Variants in FBRS observed in about 807,000 individuals in gnomAD.
The protein encoded by FBRS is fibrosin.
A neutral mutation model predicts 86.1 loss-of-function variants in FBRS; 15 were observed. The ratio of observed to expected loss-of-function variants is 0.17; its 90% CI spans 0.12 to 0.27. The LOEUF is 0.27. Among genes scored for constraint, FBRS ranks in the 10% least tolerant of loss-of-function variants. The pLI is 1.00. For synonymous variants in FBRS, 666 were observed against 575.8 expected (o/e 1.16, Z -2.24); for missense variants, 1,367 against 1,301.6 (o/e 1.05, Z -0.77).
At position 30,660,283 on chromosome 16, in the gene FBRS, C is replaced by T. The variant is rs935287439; in HGVS notation, c.480C>T (p.Pro160=). 21 of 1,308,934 alleles carry T rather than the reference C, an allele frequency of 1.6e-5. No homozygotes were observed. Among genetic ancestry groups the T allele is most frequent in the African/African-American group, 4.6e-5 (3 of 64,868 alleles). The allele number at this position is 1,308,934 out of a possible 1,614,324, so 81.1% of individuals were successfully genotyped here. A position where few individuals can be genotyped will look rare whatever the true frequency, so the allele number is the denominator to read the frequency against. The change falls in exon 2 of 18, where the codon CCC becomes CCT. Residue 160 remains proline (P), a synonymous_variant. Coordinates refer to ENST00000356166, the MANE Select transcript of FBRS (RefSeq NM_001105079.3). ...CACAGAAGGATGCATCTCTTCAGCC[C>T]CCAGAGCGACTGGAACATCGGCTGA... The part of the protein sequence containing the change: ...EALQKDASLQ[P]PERLEHRLKH...
intron 16 of FBRS, 50 bp downstream of exon 16, chr16:30,668,693 C>T (rs745918260): frequency 8.2e-6 from 13 of 1,586,290 alleles, no homozygotes; most frequent in Non-Finnish European, 1.1e-5. Flanking sequence ...AGGGTGAGAG[C>T]TCAGACGGTC....
In FBRS at chr16:30,668,799, A is replaced by C. The variant is rs367793438; in HGVS notation, c.2186A>C (p.Glu729Ala). Residue 729 changes from glutamate (E) to alanine (A), a missense_variant, in exon 17 of 18, where the codon GAA becomes GCA. Glu to Ala is a moderately radical substitution (Grantham distance 107). Transcript: ENST00000356166. ...FNSGAVFAQKESPGAPPAFAS... is the reference protein window; with the variant it reads ...FNSGAVFAQKASPGAPPAFAS... The stretch of plus-strand genomic sequence containing the variant: ...TCCGGCGCCGTCTTTGCCCAGAAAG[A>C]AAGCCCAGGGGCCCCACCAGCCTTC... 3 of 1,600,078 alleles carry C rather than the reference A, an allele frequency of 1.9e-6. No homozygotes were observed. The highest frequency in any genetic ancestry group is 1.7e-5 in the Admixed American group (1 of 59,446).
intron 6 of FBRS, 154 bp downstream of exon 6, chr16:30,663,013 ATTTG>A: frequency 1.6e-6 from 2 of 1,259,626 alleles, no homozygotes; most frequent in Non-Finnish European, 2.0e-6. Context: ...TGCAGGACTT[ATTTG>A]AGTCCGTTAC....
At chr16:30,660,187 G>A (rs761472296) in intron 1 of FBRS, 76 bp from the exon 2 acceptor site, 23 of 1,412,076 alleles carry the variant, frequency 1.6e-5, no homozygotes, top group Non-Finnish European at 2.0e-5. Flanking sequence ...GGGGTACTTC[G>A]GCAACCTGGT....
chr16:30,670,511 T>A lies in FBRS; in HGVS notation c.*866T>A, dbSNP rs1290993389. The A allele has an allele frequency of 3.4e-6, 1 of 298,354 alleles. No individual in the cohort carries two copies. The highest frequency in any genetic ancestry group is 1.1e-4 in the East Asian group (1 of 8,782). 18.5% of individuals were successfully genotyped at this position (298,354 alleles called of 1,614,324 possible). Reference sequence around the variant, plus strand: ...TGCCCCCAGGACTCCTGGGCCCTGCTTCCCTGAACCCTGTTCTCCAAAACC... The same window carrying A: ...TGCCCCCAGGACTCCTGGGCCCTGCATCCCTGAACCCTGTTCTCCAAAACC... On this transcript the variant is annotated 3_prime_UTR_variant, in exon 18 of 18. Transcript: ENST00000356166.
At chr16:30,666,862 T>G (rs1421810724) in intron 12 of FBRS, 57 bp from the exon 13 acceptor site, 4 of 1,560,122 alleles carry the variant, frequency 2.6e-6, no homozygotes, top group Non-Finnish European at 3.5e-6. Context: ...CTGGAGTGGA[T>G]GATGAGTGAA....
chr16:30,667,633 A>C lies in FBRS; in HGVS notation c.2074+11A>C. The C allele has an allele frequency of 1.3e-6, 2 of 1,496,600 alleles. No homozygotes were observed. Among genetic ancestry groups the C allele is most frequent in the Non-Finnish European group, 1.8e-6 (2 of 1,123,706 alleles). 92.7% of individuals were successfully genotyped at this position (1,496,600 alleles called of 1,614,324 possible). ...CCAGCACCCACATTGGTAAGAGCCA[A>C]GGGCGTGTTGGGCAACCCAGGCTTT... On this transcript the variant is annotated intron_variant, in intron 15 of 17. Transcript: ENST00000356166.
At position 30,659,432 on chromosome 16, in the gene FBRS, C is replaced by A. The variant is rs2052426134; in HGVS notation, c.-87C>A. The A allele has an allele frequency of 4.6e-6, 1 of 216,208 alleles. No homozygotes were observed. The highest frequency in any genetic ancestry group is 9.1e-6 in the Non-Finnish European group (1 of 110,354). 13.4% of individuals were successfully genotyped at this position (216,208 alleles called of 1,614,324 possible). A position where few individuals can be genotyped will look rare whatever the true frequency, so the allele number is the denominator to read the frequency against. ...CGTGGCCCTCTCGTCACTGTGCAGC[C>A]GCCAGCGCCGCGCCTGCGACCCCGG... is the stretch of plus-strand genomic sequence containing the variant. On this transcript the variant is annotated 5_prime_UTR_variant, in exon 1 of 18. Coordinates refer to ENST00000356166, the MANE Select transcript of FBRS (RefSeq NM_001105079.3).
At position 30,669,285 on chromosome 16, in the gene FBRS, GCCC is replaced by G. The variant is rs2052567110; in HGVS notation, c.2585_2587del (p.Pro862del). 1.3e-6 allele frequency: 2 copies of G among 1,575,074 alleles called. No individual in the cohort carries two copies. The highest frequency in any genetic ancestry group is 2.7e-5 in the African/African-American group (2 of 73,796). On this transcript the variant is annotated inframe_deletion, in exon 18 of 18. Transcript: ENST00000356166. The surrounding 1 kb of genome is among the most constrained non-coding windows in gnomAD (Gnocchi z 5.9). ...AGGGCCTTCACCTGCTGTTTGAGAGGCCCCGGCCGCCCCCGTTTCTGGGCCCTA... is the reference window on the plus strand; with the variant it reads ...AGGGCCTTCACCTGCTGTTTGAGAGGCGGCCGCCCCCGTTTCTGGGCCCTA...
chr16:30,664,387 C>T lies in FBRS; in HGVS notation c.1228C>T (p.Pro410Ser). 6.7e-7 allele frequency: 1 copy of T among 1,495,952 alleles called. No homozygotes were observed. The highest frequency in any genetic ancestry group is 9.0e-7 in the Non-Finnish European group (1 of 1,112,890). The allele number at this position is 1,495,952 out of a possible 1,614,324, so 92.7% of individuals were successfully genotyped here. ...TTTGTCCACCCACAGCTTTCCCCCT[C>T]CCGGGCTGCGGCCCCCCCCACCACC... ...LPLSTHSFPP[P>S]GLRPPPPPHH... Residue 410 changes from proline to serine, a missense_variant, in exon 7 of 18, where the codon CCC becomes TCC. Pro to Ser is a moderately conservative substitution (Grantham distance 74). Transcript: ENST00000356166.
chr16:30,660,177 G>A, intron 1 of FBRS, 86 bp from the exon 2 acceptor site: 1 of 1,412,550 alleles, frequency 7.1e-7, no homozygotes, highest in Non-Finnish European at 9.3e-7. Flanking sequence ...CCCGGCCCGA[G>A]GGGTACTTCG....
In FBRS at chr16:30,658,852, A is replaced by G. The variant is rs2151263407; in HGVS notation, c.-667A>G. On this transcript the variant is annotated 5_prime_UTR_variant, in exon 1 of 18. Coordinates refer to ENST00000356166, the MANE Select transcript of FBRS (RefSeq NM_001105079.3). ...GGGAAGCCGCCGAGCAGACGCTGAC[A>G]AATTGAGAACTGTGCCGTTGGGAGA... 1 of 152,292 alleles carries G rather than the reference A, an allele frequency of 6.6e-6. No homozygotes were observed. Among genetic ancestry groups the G allele is most frequent in the African/African-American group, 2.4e-5 (1 of 41,514 alleles). 9.4% of individuals were successfully genotyped at this position (152,292 alleles called of 1,614,324 possible).
chr16:30,659,751 G>A lies in FBRS; in HGVS notation c.233G>A (p.Gly78Asp), dbSNP rs764280071. The A allele has an allele frequency of 2.2e-6, 3 of 1,376,594 alleles. No homozygotes were observed. The highest frequency in any genetic ancestry group is 1.3e-5 in the South Asian group (1 of 74,494). The allele number at this position is 1,376,594 out of a possible 1,614,324, so 85.3% of individuals were successfully genotyped here. ...SSASSGERPGGPRRRRPRPRP... is the reference protein window; with the variant it reads ...SSASSGERPGDPRRRRPRPRP... ...GCTTCGTCTGGAGAGCGGCCTGGGGGCCCGAGACGCCGGCGGCCCCGTCCG... is the reference window on the plus strand; with the variant it reads ...GCTTCGTCTGGAGAGCGGCCTGGGGACCCGAGACGCCGGCGGCCCCGTCCG... Residue 78 changes from glycine to aspartate, a missense_variant, in exon 1 of 18, where the codon GGC becomes GAC. Gly to Asp is a moderately conservative substitution (Grantham distance 94). Transcript: ENST00000356166.
intron 16 of FBRS, 26 bp downstream of exon 16, chr16:30,668,669 G>C: frequency 6.3e-7 from 1 of 1,587,612 alleles, no homozygotes; most frequent in South Asian, 1.1e-5. Context: ...GTGGGGTGGG[G>C]GGGCTGCGGC....
At chr16:30,660,196 G>A in intron 1 of FBRS, 67 bp from the exon 2 acceptor site, 1 of 1,412,942 alleles carries the variant, frequency 7.1e-7, no homozygotes, top group Non-Finnish European at 9.3e-7. Context: ...CGGCAACCTG[G>A]TCACCCCTAG....
Position 30,667,361 on chromosome 16 carries a change from C to G in FBRS, c.1917C>G (p.Pro639=). The G allele has an allele frequency of 1.3e-6, 2 of 1,554,200 alleles. No individual in the cohort carries two copies. Among genetic ancestry groups the G allele is most frequent in the South Asian group, 1.2e-5 (1 of 84,146 alleles). ...HKLDFRNDLL[P]CLPGPYGALP... is the part of the protein sequence containing the mutation. ...TTGACTTTCGGAATGACCTCCTGCCCTGCCTTCCGGGGCCCTATGGGGCCC... is the reference window on the plus strand; with the variant it reads ...TTGACTTTCGGAATGACCTCCTGCCGTGCCTTCCGGGGCCCTATGGGGCCC... The change falls in exon 14 of 18, where the codon CCC becomes CCG. Residue 639 remains proline (P), a synonymous_variant. Transcript: ENST00000356166.
In FBRS at chr16:30,670,137, CA is replaced by C. The variant is rs1355096713; in HGVS notation, c.*493del. The C allele has an allele frequency of 2.2e-6, 1 of 460,048 alleles. No homozygotes were observed. Among genetic ancestry groups the C allele is most frequent in the Non-Finnish European group, 4.4e-6 (1 of 228,336 alleles). The allele number at this position is 460,048 out of a possible 1,614,324, so 28.5% of individuals were successfully genotyped here. ...CCCCAAGACCTTTTGTACATTTTTACAGGGGTGCCCCTCCCAACAGTTCCCT... is the reference window on the plus strand; with the variant it reads ...CCCCAAGACCTTTTGTACATTTTTACGGGGTGCCCCTCCCAACAGTTCCCT... On this transcript the variant is annotated 3_prime_UTR_variant, in exon 18 of 18. Coordinates refer to ENST00000356166, the MANE Select transcript of FBRS (RefSeq NM_001105079.3).
intron 6 of FBRS, among the ~76,000 whole-genome samples, chr16:30,663,686 G>A (rs2052486840): frequency 6.6e-6 from 1 of 152,172 alleles, no homozygotes; most frequent in African/African-American, 2.4e-5. Context: ...CACAGGGTAA[G>A]AACTATTGAC....
chr16:30,664,284 GTCCTCCTCC>G lies in FBRS; in HGVS notation c.1131_1139del (p.Ser379_Ser381del). 7.1e-7 allele frequency: 1 copy of G among 1,415,432 alleles called. No individual in the cohort carries two copies. Among genetic ancestry groups the G allele is most frequent in the African/African-American group, 1.5e-5 (1 of 65,034 alleles). 87.7% of individuals were successfully genotyped at this position (1,415,432 alleles called of 1,614,324 possible). ...AGCCTCCCCCCTCATCATCCTCTTC[GTCCTCCTCC>G]TCCTCATCTGCCTCCTCCTCGTCCG... On this transcript the variant is annotated inframe_deletion, in exon 7 of 18. Transcript: ENST00000356166.
Sources: allele counts gnomAD v4.1 joint callset (sites outside exome capture counted in the v4.1 genomes callset), GRCh38; gene constraint gnomAD v4.1.1; non-coding constraint Gnocchi (gnomAD v3.1); transcripts MANE v1.5; gene names NCBI Gene and HGNC (gene_info 2026-07-23, HGNC 2026-07-21).